ITGA1: variants seen among roughly 807,000 people sequenced by gnomAD.
ITGA1 encodes the protein integrin alpha-1.
Under a neutral mutation model 145.9 loss-of-function variants are expected in ITGA1, and 85 were observed. That is an observed-to-expected ratio of 0.58 (90% CI 0.49 to 0.70). The LOEUF (loss-of-function observed/expected upper bound fraction) is 0.70, where lower values mean the gene tolerates loss of function less well. Among genes scored for constraint, ITGA1 ranks in the 30% least tolerant of loss-of-function variants. ITGA1 has a pLI of 0.00. For synonymous variants in ITGA1, 520 were observed against 495.3 expected (o/e 1.05, Z -0.66); for missense variants, 1,351 against 1,418.7 (o/e 0.95, Z 0.77).
In ITGA1 at chr5:52,925,306, A is replaced by G; in HGVS notation, c.2432A>G (p.Lys811Arg). 6.2e-7 allele frequency: 1 copy of G among 1,614,092 alleles called. No homozygotes were observed. The highest frequency in any genetic ancestry group is 8.5e-7 in the Non-Finnish European group (1 of 1,179,946). Residue 811 changes from lysine to arginine, a missense_variant, in exon 19 of 29, where the codon AAG (lysine) becomes AGG (arginine). By Grantham distance (26) the Lys-to-Arg change is conservative. Coordinates refer to ENST00000282588, the MANE Select transcript of ITGA1 (RefSeq NM_181501.2). The stretch of plus-strand genomic sequence containing the variant: ...CCCTTTGCCAAAGATTGTGGAAATA[A>G]GGAAAAATGTATCTCAGACCTCAGC... ...YIPFAKDCGN[K>R]EKCISDLSLH...
In ITGA1 at chr5:52,899,590, A is replaced by G. The variant is rs184113587; in HGVS notation, c.1309+1207A>G. ...TCTAAGTATCACATACTACAAGGAG[A>G]AAATGACAAACTAGGATGTGCCAGT... On this transcript the variant is annotated intron_variant, in intron 11 of 28. Coordinates refer to ENST00000282588, the MANE Select transcript of ITGA1 (RefSeq NM_181501.2). 1.6e-3 allele frequency among the ~76,000 whole-genome samples: 246 copies of G among 152,260 alleles called. 2 individuals are homozygous for G. The South Asian group carries it at 0.035, about 22-fold the overall frequency.
chr5:52,892,041 T>C (rs1750160055), intron 8 of ITGA1, among the ~76,000 whole-genome samples: 1 of 152,104 alleles, frequency 6.6e-6, no homozygotes, highest in Admixed American at 6.6e-5. Context: ...GTTGAGAATA[T>C]GAAAAGACAA....
intron 1 of ITGA1, among the ~76,000 whole-genome samples, chr5:52,830,493 A>T (rs891461482): frequency 7.2e-5 from 11 of 152,162 alleles, no homozygotes; most frequent in Non-Finnish European, 1.2e-4. Flanking sequence ...AGGTTTTTTA[A>T]AAAAAATAAC....
At chr5:52,919,899 G>A (rs948756400) in intron 16 of ITGA1, among the ~76,000 whole-genome samples, 1 of 151,946 alleles carries the variant, frequency 6.6e-6, no homozygotes, top group African/African-American at 2.4e-5. Flanking sequence ...AGATTAAAAT[G>A]TATATATTTG....
At chr5:52,923,018 G>A (rs1157770974) in intron 18 of ITGA1, 131 bp downstream of exon 18, 2 of 599,602 alleles carry the variant, frequency 3.3e-6, no homozygotes, top group South Asian at 2.1e-5. Flanking sequence ...AGAAAAAAAA[G>A]GCAAGCAGAT....
chr5:52,931,944 T>A, intron 21 of ITGA1, 103 bp from the exon 22 acceptor site: 1 of 681,542 alleles, frequency 1.5e-6, no homozygotes, highest in Non-Finnish European at 2.6e-6. Context: ...TCTTACATGC[T>A]TTTATTTAGT....
At chr5:52,906,143 A>G (rs1750401751) in intron 12 of ITGA1, among the ~76,000 whole-genome samples, 1 of 152,188 alleles carries the variant, frequency 6.6e-6, no homozygotes, top group Non-Finnish European at 1.5e-5. Context: ...ACAAATATAT[A>G]CACAAGAAAA....
chr5:52,862,629 G>A (rs946411433), intron 3 of ITGA1, among the ~76,000 whole-genome samples: 2 of 152,050 alleles, frequency 1.3e-5, no homozygotes, highest in South Asian at 4.1e-4. Context: ...TTTTCAAGAG[G>A]AAATAGAATC....
intron 14 of ITGA1, among the ~76,000 whole-genome samples, chr5:52,911,209 A>G (rs1750517511): frequency 7.3e-6 from 1 of 136,368 alleles, no homozygotes; most frequent in African/African-American, 2.6e-5. Flanking sequence ...TATATATAAT[A>G]TATAGTGTAT....
chr5:52,803,787 A>G (rs573401898), intron 1 of ITGA1: 1 of 152,314 alleles, frequency 6.6e-6, no homozygotes, highest in South Asian at 2.1e-4. Flanking sequence ...TTGTAGACCT[A>G]CTGAGACAGG....
At chr5:52,826,458 T>C (rs1205478863) in intron 1 of ITGA1, among the ~76,000 whole-genome samples, 1 of 152,264 alleles carries the variant, frequency 6.6e-6, no homozygotes, top group African/African-American at 2.4e-5. Context: ...CCAGAAGATC[T>C]AGCTAAGATA....
chr5:52,957,495 A>C lies in ITGA1; in HGVS notation c.*5044A>C, dbSNP rs1234027271. 2.6e-5 allele frequency: 4 copies of C among 151,522 alleles called. No individual in the cohort carries two copies. Among genetic ancestry groups the C allele is most frequent in the African/African-American group, 9.7e-5 (4 of 41,146 alleles). 9.4% of individuals were successfully genotyped at this position (151,522 alleles called of 1,614,324 possible). On this transcript the variant is annotated 3_prime_UTR_variant, in exon 29 of 29. Transcript: ENST00000282588. ...CAAAAGCTTTCCCCAGTAGCTGATGAATTTAGAACTTTATACAAGACTCCC... is the reference window on the plus strand; with the variant it reads ...CAAAAGCTTTCCCCAGTAGCTGATGCATTTAGAACTTTATACAAGACTCCC...
intron 1 of ITGA1, chr5:52,804,022 T>A (rs941483852): frequency 1.3e-5 from 2 of 152,176 alleles, no homozygotes; most frequent in Non-Finnish European, 1.5e-5. Context: ...TTAAATAAAA[T>A]TTAACTCATT....
rs1579734811 is a variant in ITGA1 at position 52,945,216 on chromosome 5, CT to C, written c.3378+183del. ...AAATGTGATTTTAGTCTTATTCATC[CT>C]TGTAAGACACTGGGAAAATCATGAT... On this transcript the variant is annotated intron_variant, in intron 27 of 28. Coordinates refer to ENST00000282588, the MANE Select transcript of ITGA1 (RefSeq NM_181501.2). 2.0e-5 allele frequency among the ~76,000 whole-genome samples: 3 copies of C among 152,192 alleles called. No homozygotes were observed. The East Asian group carries it at 5.8e-4, about 29-fold the overall frequency.
intron 12 of ITGA1, among the ~76,000 whole-genome samples, chr5:52,906,509 A>G (rs956001354): frequency 1.3e-5 from 2 of 152,262 alleles, no homozygotes; most frequent in Non-Finnish European, 1.5e-5. Flanking sequence ...TAACATTTAC[A>G]TATGTATATA....
At chr5:52,946,756 TG>T (rs1185648698) in intron 27 of ITGA1, among the ~76,000 whole-genome samples, 1 of 152,182 alleles carries the variant, frequency 6.6e-6, no homozygotes, top group Non-Finnish European at 1.5e-5. Flanking sequence ...AGTTAAAACC[TG>T]ATTTATACAT....
chr5:52,894,277 T>A (rs1750193799), intron 9 of ITGA1, among the ~76,000 whole-genome samples: 1 of 152,188 alleles, frequency 6.6e-6, no homozygotes, highest in Non-Finnish European at 1.5e-5. Context: ...GTTCACTTAT[T>A]TTCTCTGTAT....
chr5:52,912,753 TA>T (rs1271070097), intron 14 of ITGA1, among the ~76,000 whole-genome samples: 25 of 144,434 alleles, frequency 1.7e-4, no homozygotes, highest in African/African-American at 4.6e-4. Flanking sequence ...TATATATATA[TA>T]TTTTTTTTTT....
chr5:52,874,163 C>G (rs778049968), intron 6 of ITGA1, among the ~76,000 whole-genome samples: 11 of 152,052 alleles, frequency 7.2e-5, no homozygotes, highest in Non-Finnish European at 1.5e-4. Context: ...GGGCCTTGCG[C>G]TTGGGTCATA....
Sources: gnomAD v4.1 joint callset for allele counts (sites outside exome capture counted in the v4.1 genomes callset) on GRCh38, gnomAD v4.1.1 for gene constraint, MANE v1.5 for transcripts, NCBI Gene and HGNC (gene_info 2026-07-23, HGNC 2026-07-21) for gene names.